The following CNBD1 variants were observed in gnomAD, a reference collection of about 807,000 sequenced individuals.
CNBD1 encodes cyclic nucleotide binding domain containing 1.
CNBD1 carries 71 observed loss-of-function variants against 54.4 expected under a neutral mutation model. The observed-to-expected ratio is 1.30, with a 90% CI of 1.08 to 1.59. The LOEUF is 1.59. Among genes scored for constraint, CNBD1 ranks in the 40% most tolerant of loss-of-function variants. The pLI is 0.00. For synonymous variants in CNBD1, 182 were observed against 170.7 expected, an observed-to-expected ratio of 1.07 and a Z score of -0.51; for missense variants, 659 against 518.0, an observed-to-expected ratio of 1.27 and a Z score of -2.64.
At chr8:87,232,244 C>T (rs1807458496) in intron 5 of CNBD1, among the ~76,000 whole-genome samples, 1 of 152,126 alleles carries the variant, frequency 6.6e-6, no homozygotes, top group South Asian at 2.1e-4. Context: ...CATCCTTGTA[C>T]AAGTCCTTTT....
At chr8:87,422,235 T>G (rs2130993768) in intron 2 of CNBD1, among the ~76,000 whole-genome samples, 1 of 146,692 alleles carries the variant, frequency 6.8e-6, no homozygotes, top group Admixed American at 6.7e-5. Flanking sequence ...GCCTGTTCAC[T>G]CTGATGGTAG....
Position 87,351,705 on chromosome 8 carries a change from AT to A in CNBD1, c.1064del (p.Ile355LysfsTer20). 6.6e-7 allele frequency: 1 copy of A among 1,524,952 alleles called. No individual in the cohort carries two copies. The highest frequency in any genetic ancestry group is 8.8e-7 in the Non-Finnish European group (1 of 1,140,884). The allele number at this position is 1,524,952 out of a possible 1,614,324, so 94.5% of individuals were successfully genotyped here. ...PGHVIVESGN[I>X]ISFVGYINSG... is the part of the protein sequence containing the mutation. ...TTCAGTGATAGTGGAAAGTGGAAAT[AT>A]AATTTCTTTTGTGGGTTATATTAAC... On this transcript the variant is annotated frameshift_variant, in exon 9 of 11. Coordinates refer to ENST00000518476, the MANE Select transcript of CNBD1 (RefSeq NM_173538.3). LOFTEE classifies it high-confidence loss of function.
intron 1 of CNBD1, among the ~76,000 whole-genome samples, chr8:86,883,696 T>C (rs1421928869): frequency 1.3e-5 from 2 of 152,150 alleles, no homozygotes; most frequent in Non-Finnish European, 2.9e-5. Context: ...AAAAGGTCTC[T>C]GATGATCTTA....
intron 5 of CNBD1, among the ~76,000 whole-genome samples, chr8:87,220,023 G>A (rs922776428): frequency 2.0e-5 from 3 of 151,792 alleles, no homozygotes; most frequent in Non-Finnish European, 4.4e-5. Flanking sequence ...AACTTTTAAA[G>A]TTAAGCAAAA....
intron 7 of CNBD1, among the ~76,000 whole-genome samples, chr8:87,285,921 C>A (rs990933319): frequency 2.0e-5 from 3 of 152,062 alleles, no homozygotes; most frequent in African/African-American, 7.2e-5. Context: ...TTTCCATGAT[C>A]CTGCTGTTTC....
intron 3 of CNBD1, among the ~76,000 whole-genome samples, chr8:86,913,395 G>A (rs893310430): frequency 9.9e-5 from 15 of 151,870 alleles, no homozygotes; most frequent in African/African-American, 1.5e-4. Flanking sequence ...CATTGTTATC[G>A]GGGGAACCTG....
At chr8:86,891,639 G>A (rs1192319980) in intron 2 of CNBD1, among the ~76,000 whole-genome samples, 1 of 152,014 alleles carries the variant, frequency 6.6e-6, no homozygotes, top group African/African-American at 2.4e-5. Context: ...TTGGAATTGT[G>A]ATACAGTTTG....
chr8:87,220,342 T>C (rs1429413133), intron 5 of CNBD1, among the ~76,000 whole-genome samples: 1 of 151,976 alleles, frequency 6.6e-6, no homozygotes, highest in Non-Finnish European at 1.5e-5. Context: ...CAAGCCAGGA[T>C]GATTTAGTGA....
intron 4 of CNBD1, among the ~76,000 whole-genome samples, chr8:87,084,322 C>T (rs1811056893): frequency 6.6e-6 from 1 of 152,132 alleles, no homozygotes; most frequent in Admixed American, 6.5e-5. Context: ...GTATTATAAT[C>T]CTTCTACTGG....
At chr8:87,334,105 C>T (rs181650443) in intron 8 of CNBD1, among the ~76,000 whole-genome samples, 1 of 152,022 alleles carries the variant, frequency 6.6e-6, no homozygotes, top group Non-Finnish European at 1.5e-5. Flanking sequence ...CTGGTTTAGT[C>T]TTGGGAGGGT....
chr8:87,358,127 C>A (rs1316813509), intron 10 of CNBD1, among the ~76,000 whole-genome samples: 2 of 152,150 alleles, frequency 1.3e-5, no homozygotes, highest in Non-Finnish European at 1.5e-5. Flanking sequence ...GTACAACTTG[C>A]AGAACTATCA....
chr8:86,975,634 G>GAGCA, intron 4 of CNBD1, among the ~76,000 whole-genome samples: 1 of 151,960 alleles, frequency 6.6e-6, no homozygotes, highest in South Asian at 2.1e-4. Flanking sequence ...ATCCATTGAT[G>GAGCA]AGCACTTCAG....
chr8:87,371,193 A>T (rs1810783045), intron 10 of CNBD1, among the ~76,000 whole-genome samples: 1 of 151,922 alleles, frequency 6.6e-6, no homozygotes, highest in Admixed American at 6.6e-5. Flanking sequence ...TCGGCTTAGG[A>T]TTGACTGGGC....
At chr8:86,925,064 A>G (rs1031015275) in intron 3 of CNBD1, among the ~76,000 whole-genome samples, 9 of 152,152 alleles carry the variant, frequency 5.9e-5, no homozygotes, top group African/African-American at 2.2e-4. Flanking sequence ...ATTCTTTCTT[A>G]TATTATAAGA....
At chr8:87,134,344 A>T (rs1464658019) in intron 4 of CNBD1, among the ~76,000 whole-genome samples, 3 of 152,014 alleles carry the variant, frequency 2.0e-5, no homozygotes, top group Non-Finnish European at 4.4e-5. Context: ...TAGGAAAAAA[A>T]CTTCCAGTTT....
rs141391104 is a variant in CNBD1 at position 87,210,670 on chromosome 8, G to A, written c.577+4532G>A. 3.1e-3 allele frequency among the ~76,000 whole-genome samples: 468 copies of A among 152,274 alleles called. 2 individuals carry two copies. Among genetic ancestry groups the A allele is most frequent in the African/African-American group, 0.011 (437 of 41,568 alleles). On this transcript the variant is annotated intron_variant, in intron 5 of 10. Coordinates refer to ENST00000518476, the MANE Select transcript of CNBD1 (RefSeq NM_173538.3). ...CATAAGCTTTGGTGGTTTCCATGTAGTGTTAAGCCTGTGGGCATGTAGACT... is the reference window on the plus strand; with the variant it reads ...CATAAGCTTTGGTGGTTTCCATGTAATGTTAAGCCTGTGGGCATGTAGACT...
intron 10 of CNBD1, among the ~76,000 whole-genome samples, chr8:87,374,839 T>C (rs1456159897): frequency 2.0e-5 from 3 of 150,030 alleles, no homozygotes; most frequent in Non-Finnish European, 4.4e-5. Context: ...GAAACATCTG[T>C]ATTGGACTTT....
intron 1 of CNBD1, among the ~76,000 whole-genome samples, chr8:86,866,884 A>G (rs969693285): frequency 1.3e-5 from 2 of 152,214 alleles, no homozygotes; most frequent in Admixed American, 6.5e-5. Flanking sequence ...TAGAGAGGCC[A>G]CATGTTCCAC....
intron 4 of CNBD1, among the ~76,000 whole-genome samples, chr8:87,095,937 C>T (rs1046661124): frequency 6.6e-6 from 1 of 152,216 alleles, no homozygotes; most frequent in Non-Finnish European, 1.5e-5. Flanking sequence ...GGATTACAGG[C>T]ATGAGCCACA....
Sources: gnomAD v4.1 joint callset for allele counts (sites outside exome capture counted in the v4.1 genomes callset) on GRCh38, gnomAD v4.1.1 for gene constraint, MANE v1.5 for transcripts, NCBI Gene and HGNC (gene_info 2026-07-23, HGNC 2026-07-21) for gene names.